The following RHPN1 variants were observed in gnomAD, a reference collection of about 807,000 sequenced individuals.
RHPN1 encodes rhophilin Rho GTPase binding protein 1.
RHPN1 carries 77 observed loss-of-function variants against 74.7 expected under a neutral mutation model. The observed-to-expected ratio is 1.03, with a 90% CI of 0.86 to 1.25. RHPN1 has a LOEUF of 1.25. Ranked by LOEUF, RHPN1 falls within the 50% of genes most tolerant of loss-of-function variation. The pLI is 0.00. For synonymous variants in RHPN1, 444 were observed against 414.5 expected, an observed-to-expected ratio of 1.07 and a Z score of -0.87; for missense variants, 987 against 932.2, an observed-to-expected ratio of 1.06 and a Z score of -0.77.
At chr8:143,376,419 G>A (rs1586816386) in intron 2 of RHPN1, 106 bp from the exon 3 acceptor site, 2 of 1,505,950 alleles carry the variant, frequency 1.3e-6, no homozygotes, top group African/African-American at 1.4e-5. Context: ...CCTCTGCAGG[G>A]TGGGCTTGGA....
At chr8:143,369,073 G>A (rs1396978729) in intron 1 of RHPN1, 26 bp downstream of exon 1, 1 of 1,456,782 alleles carries the variant, frequency 6.9e-7, no homozygotes, top group Non-Finnish European at 9.0e-7. Context: ...GCGGCGGCGG[G>A]AGGAGGGGCC....
chr8:143,380,897 C>A, intron 11 of RHPN1, 114 bp downstream of exon 11: 2 of 906,632 alleles, frequency 2.2e-6, no homozygotes, highest in East Asian at 2.7e-5. Flanking sequence ...ATGAATTAAA[C>A]AGCAGTAGCA....
rs1299202296 is a variant in RHPN1, at chr8:143,379,954, C to T, written c.1071C>T (p.Tyr357=). ...KAEYFRSLAH[Y]HVAMALCDGS... The stretch of plus-strand genomic sequence containing the variant: ...AGTACTTCCGCTCCCTGGCCCACTA[C>T]CACGTAGCCATGGCCCTCTGCGACG... Residue 357 remains tyrosine (Y), a synonymous_variant, in exon 9 of 15, where the codon TAC becomes TAT. Coordinates refer to ENST00000289013, the MANE Select transcript of RHPN1 (RefSeq NM_052924.3). The T allele has an allele frequency of 1.3e-6, 2 of 1,576,316 alleles. No individual in the cohort carries two copies. Among genetic ancestry groups the T allele is most frequent in the South Asian group, 1.2e-5 (1 of 86,096 alleles).
rs1358241688 is a variant in RHPN1, at chr8:143,380,585, G to A, written c.1217-4G>A. The A allele has an allele frequency of 6.0e-6, 9 of 1,494,984 alleles. No homozygotes were observed. The highest frequency in any genetic ancestry group is 8.0e-6 in the Non-Finnish European group (9 of 1,118,040). 92.6% of individuals were successfully genotyped at this position (1,494,984 alleles called of 1,614,324 possible). A position where few individuals can be genotyped will look rare whatever the true frequency, so the allele number is the denominator to read the frequency against. The stretch of plus-strand genomic sequence containing the variant: ...TGTGTGACATCCCAGTGCCCCGCGT[G>A]CAGGCAAGGCACACCTGAAGCGTGC... On this transcript the variant is annotated splice_region_variant and splice_polypyrimidine_tract_variant and intron_variant, in intron 10 of 14. Coordinates refer to ENST00000289013, the MANE Select transcript of RHPN1 (RefSeq NM_052924.3).
At chr8:143,378,405 T>C in intron 5 of RHPN1, 59 bp downstream of exon 5, 2 of 1,075,620 alleles carry the variant, frequency 1.9e-6, no homozygotes, top group Non-Finnish European at 2.5e-6. Flanking sequence ...ATGCGGAGGC[T>C]GAAGCTGAAG....
chr8:143,365,998 T>C (rs1817551961), upstream of RHPN1, among the ~76,000 whole-genome samples: 1 of 119,286 alleles, frequency 8.4e-6, no homozygotes, highest in Non-Finnish European at 1.7e-5. Flanking sequence ...AGCCACCCTG[T>C]CTCAAAAAAA....
upstream of RHPN1, chr8:143,368,656 T>C: frequency 5.1e-6 from 1 of 196,126 alleles, no homozygotes; most frequent in East Asian, 1.2e-4. Context: ...GCCGCGGGCG[T>C]TCCGGCCGCG....
intron 10 of RHPN1, 138 bp from the exon 11 acceptor site, chr8:143,380,451 T>G: frequency 1.3e-6 from 1 of 789,788 alleles, no homozygotes; most frequent in East Asian, 2.8e-5. Context: ...CACAGCCAGC[T>G]CCTCACCCCC....
chr8:143,366,840 C>G (rs184975170), upstream of RHPN1: 1 of 152,324 alleles, frequency 6.6e-6, no homozygotes, highest in Non-Finnish European at 1.5e-5. Context: ...TATGGTAATG[C>G]CTCCTGTACA....
chr8:143,376,949 CGT>C (rs34081318), intron 3 of RHPN1, among the ~76,000 whole-genome samples: 2,570 of 147,402 alleles, frequency 0.017, 73 homozygotes, highest in African/African-American at 0.061. Context: ...CATCTCTGTG[CGT>C]GTGTCTGTGT....
In RHPN1 at chr8:143,369,064, C is replaced by A. The variant is rs1817658365; in HGVS notation, c.60+17C>A. The A allele has an allele frequency of 6.8e-7, 1 of 1,465,718 alleles. No individual in the cohort carries two copies. Among genetic ancestry groups the A allele is most frequent in the Middle Eastern group, 2.4e-4 (1 of 4,202 alleles). The allele number at this position is 1,465,718 out of a possible 1,614,324, so 90.8% of individuals were successfully genotyped here. ...CGGCTGCAGGTGCGCAGAACTGGCG[C>A]GGCGGCGGGAGGAGGGGCCCGGAAT... On this transcript the variant is annotated intron_variant, in intron 1 of 14. Coordinates refer to ENST00000289013, the MANE Select transcript of RHPN1 (RefSeq NM_052924.3).
upstream of RHPN1, among the ~76,000 whole-genome samples, chr8:143,365,484 T>C (rs1017234453): frequency 6.6e-6 from 1 of 152,254 alleles, no homozygotes; most frequent in Non-Finnish European, 1.5e-5. Flanking sequence ...TGGGCTGGCA[T>C]GCATGGAAGA....
chr8:143,369,826 C>T (rs139951123), intron 1 of RHPN1, among the ~76,000 whole-genome samples: 3 of 152,386 alleles, frequency 2.0e-5, no homozygotes, highest in East Asian at 1.9e-4. Context: ...CCCTCCTCCC[C>T]TCTGGGACGT....
chr8:143,378,540 C>T (rs554014767), intron 5 of RHPN1, among the ~76,000 whole-genome samples, 156 bp from the exon 6 acceptor site: 47 of 152,250 alleles, frequency 3.1e-4, no homozygotes, highest in African/African-American at 1.1e-3. Flanking sequence ...GCTCCGGTGC[C>T]GCATGCTGCT....
intron 11 of RHPN1, 65 bp downstream of exon 11, chr8:143,380,848 G>T: frequency 1.5e-6 from 2 of 1,300,454 alleles, no homozygotes; most frequent in Non-Finnish European, 2.1e-6. Flanking sequence ...TCGTCCTGGA[G>T]AAAGGGAGGC....
At chr8:143,375,247 T>C (rs1818134749) in intron 1 of RHPN1, among the ~76,000 whole-genome samples, 1 of 152,156 alleles carries the variant, frequency 6.6e-6, no homozygotes, top group African/African-American at 2.4e-5. Flanking sequence ...CCAGGCTGCC[T>C]GGTGAGACCC....
intron 4 of RHPN1, among the ~76,000 whole-genome samples, chr8:143,377,762 GA>G (rs1464209917): frequency 1.3e-5 from 2 of 152,200 alleles, no homozygotes; most frequent in Non-Finnish European, 2.9e-5. Context: ...GCCCCAGCCG[GA>G]GCACAGGGTA....
intron 2 of RHPN1, 99 bp downstream of exon 2, chr8:143,375,767 CAG>C: frequency 1.2e-6 from 1 of 856,348 alleles, no homozygotes; most frequent in East Asian, 2.8e-5. Context: ...GGCCGGGTCA[CAG>C]AGACAGGTGC....
chr8:143,382,459 G>T lies in RHPN1; in HGVS notation c.1821G>T (p.Leu607=). ...PSLGDRRPVL[L]GPRGLLRSQR... is the part of the protein sequence containing the mutation. ...AGGGGGACCGCCGGCCCGTCCTGCT[G>T]GGCCCCAGGGGGCTTCTAAGGAGCC... The change falls in exon 15 of 15, where the codon CTG becomes CTT. Residue 607 remains leucine (L), a synonymous_variant. Coordinates refer to ENST00000289013, the MANE Select transcript of RHPN1 (RefSeq NM_052924.3). 6.3e-7 allele frequency: 1 copy of T among 1,583,420 alleles called. No homozygotes were observed. The highest frequency in any genetic ancestry group is 8.6e-7 in the Non-Finnish European group (1 of 1,166,058).
Sources: allele counts gnomAD v4.1 joint callset (sites outside exome capture counted in the v4.1 genomes callset), GRCh38; gene constraint gnomAD v4.1.1; transcripts MANE v1.5; gene names NCBI Gene and HGNC (gene_info 2026-07-23, HGNC 2026-07-21).